The following UHRF2 variants were observed in gnomAD, a reference collection of about 807,000 sequenced individuals.
UHRF2 encodes the protein E3 ubiquitin-protein ligase UHRF2.
In UHRF2, 23 loss-of-function variants were observed where a neutral mutation model predicts 96.8. The ratio of observed to expected loss-of-function variants is 0.24; its 90% CI spans 0.17 to 0.34. The LOEUF (loss-of-function observed/expected upper bound fraction) is 0.34, where lower values mean the gene tolerates loss of function less well. Ranked by LOEUF, UHRF2 falls within the 10% of genes least tolerant of loss-of-function variation. The probability of loss-of-function intolerance (pLI) is 1.00; values close to 1 mark genes in which losing one functional copy is unlikely to be tolerated. For synonymous variants in UHRF2, 385 were observed against 332.6 expected (o/e 1.16, Z -1.72); for missense variants, 685 against 981.5 (o/e 0.70, Z 4.04).
At chr9:6,446,871 A>G (rs150439124) in intron 3 of UHRF2, among the ~76,000 whole-genome samples, 2 of 151,202 alleles carry the variant, frequency 1.3e-5, no homozygotes, top group East Asian at 2.0e-4. Flanking sequence ...AACAAATAAT[A>G]CTTATAAGTT....
At chr9:6,493,953 T>C (rs926883699) in intron 10 of UHRF2, 21 bp downstream of exon 10, 3 of 1,596,874 alleles carry the variant, frequency 1.9e-6, no homozygotes, top group East Asian at 2.2e-5. Context: ...AGACACTGTT[T>C]AGAATTTGAA....
intron 4 of UHRF2, among the ~76,000 whole-genome samples, chr9:6,463,327 C>T (rs1428357071): frequency 2.0e-5 from 3 of 151,786 alleles, no homozygotes; most frequent in Non-Finnish European, 4.4e-5. Context: ...TAGGCAAATA[C>T]CGGCTTGATA....
intron 9 of UHRF2, 35 bp downstream of exon 9, chr9:6,486,960 G>T: frequency 6.3e-7 from 1 of 1,592,028 alleles, no homozygotes; most frequent in Non-Finnish European, 8.6e-7. Flanking sequence ...ATTAGTACCT[G>T]CCTTGACCAT....
chr9:6,436,190 A>G (rs963120184), intron 3 of UHRF2, among the ~76,000 whole-genome samples: 1 of 152,222 alleles, frequency 6.6e-6, no homozygotes, highest in Non-Finnish European at 1.5e-5. Context: ...ACAGTATAAC[A>G]ACACTTCAGT....
Position 6,413,553 on chromosome 9 carries a change from C to G in UHRF2, c.63C>G (p.Arg21=). Residue 21 remains arginine, a synonymous_variant, in exon 1 of 16, where the codon CGC becomes CGG. Transcript: ENST00000276893. ...SKTCTIEDVS[R]KATIEELRER... ...CGTGCACCATTGAGGACGTGTCTCG[C>G]AAAGCCACGATTGAGGAGCTGCGCG... The G allele has an allele frequency of 1.9e-6, 3 of 1,598,402 alleles. No homozygotes were observed. Among genetic ancestry groups the G allele is most frequent in the Non-Finnish European group, 1.7e-6 (2 of 1,173,274 alleles).
In UHRF2 at chr9:6,504,711, C is replaced by G. The variant is rs1816492316; in HGVS notation, c.2262+20C>G. The G allele has an allele frequency of 8.8e-6, 14 of 1,584,868 alleles. No homozygotes were observed. Among genetic ancestry groups the G allele is most frequent in the Non-Finnish European group, 1.1e-5 (13 of 1,155,554 alleles). ...TGTAAAGTAAGTAGAATTCCTTCCT[C>G]ACTTTCCCTGTTAGGTATGAAGGCA... On this transcript the variant is annotated intron_variant, in intron 15 of 15. Transcript: ENST00000276893.
intron 8 of UHRF2, among the ~76,000 whole-genome samples, chr9:6,482,754 G>A (rs1053550131): frequency 6.6e-6 from 1 of 151,954 alleles, no homozygotes; most frequent in Non-Finnish European, 1.5e-5. Flanking sequence ...CTGCCACCAC[G>A]CCTGGCTAAT....
intron 8 of UHRF2, among the ~76,000 whole-genome samples, chr9:6,484,914 C>T (rs1371025626): frequency 6.6e-6 from 1 of 151,346 alleles, no homozygotes; most frequent in Non-Finnish European, 1.5e-5. Context: ...CTGCCTCAGC[C>T]TCCCAAGTAG....
At position 6,498,300 on chromosome 9, in the gene UHRF2, A is replaced by G. The variant is rs958449513; in HGVS notation, c.1908+142A>G. 15 of 902,614 alleles carry G rather than the reference A, an allele frequency of 1.7e-5. No homozygotes were observed. In the African/African-American group the frequency reaches 2.4e-4, roughly 15 times the overall value. The allele number at this position is 902,614 out of a possible 1,614,324, so 55.9% of individuals were successfully genotyped here. A position where few individuals can be genotyped will look rare whatever the true frequency, so the allele number is the denominator to read the frequency against. ...GAGGAATAAGATCATGCAAATAGAC[A>G]GAGGAAAAGAAGAGAAAAGGTAGTA... On this transcript the variant is annotated intron_variant, in intron 12 of 15. Coordinates refer to ENST00000276893, the MANE Select transcript of UHRF2 (RefSeq NM_152896.3).
rs532133894 is a variant in UHRF2, at chr9:6,428,014, A to G, written c.385-5900A>G. On this transcript the variant is annotated intron_variant, in intron 2 of 15. Coordinates refer to ENST00000276893, the MANE Select transcript of UHRF2 (RefSeq NM_152896.3). Reference sequence around the variant, plus strand: ...CTTTTTATGATGCCAGAAAGATCGTACTTTCAAGTGGCTGTCATCCTGGAC... The same window carrying G: ...CTTTTTATGATGCCAGAAAGATCGTGCTTTCAAGTGGCTGTCATCCTGGAC... 2.0e-5 allele frequency among the ~76,000 whole-genome samples: 3 copies of G among 152,196 alleles called. 1 individual carries two copies. Among genetic ancestry groups the G allele is most frequent in the South Asian group, 4.1e-4 (2 of 4,832 alleles).
intron 2 of UHRF2, among the ~76,000 whole-genome samples, chr9:6,431,239 C>G (rs1012893238): frequency 7.2e-5 from 11 of 152,136 alleles, no homozygotes; most frequent in African/African-American, 2.7e-4. Context: ...CTGTCCCCAC[C>G]CAGTTTATGT....
chr9:6,431,579 T>A (rs1820564792), intron 2 of UHRF2, among the ~76,000 whole-genome samples: 1 of 151,942 alleles, frequency 6.6e-6, no homozygotes, highest in South Asian at 2.1e-4. Context: ...ATAGCCTGTC[T>A]TAAAAAAAAA....
chr9:6,475,524 T>C (rs374125089), intron 5 of UHRF2, 24 bp downstream of exon 5: 5 of 1,452,698 alleles, frequency 3.4e-6, no homozygotes, highest in Non-Finnish European at 4.7e-6. Flanking sequence ...TTTTTGGTCT[T>C]AGACTACATG....
rs541585911 is a variant in UHRF2, at chr9:6,425,509, C to G, written c.384+4367C>G. Among the ~76,000 whole-genome samples, 36 of 151,890 alleles carry G rather than the reference C, an allele frequency of 2.4e-4. No homozygotes were observed. The South Asian group carries it at 6.2e-3, about 26-fold the overall frequency. On this transcript the variant is annotated intron_variant, in intron 2 of 15. Transcript: ENST00000276893. ...GTGGCTCATGCCTGTAATCCCAGCA[C>G]TTTGGGAGGCTGAGGAGGGTGGATC...
intron 3 of UHRF2, among the ~76,000 whole-genome samples, chr9:6,450,226 T>TTTAAAAA (rs1182035395): frequency 3.9e-5 from 6 of 152,036 alleles, no homozygotes; most frequent in Non-Finnish European, 8.8e-5. Flanking sequence ...TGTACTTAGG[T>TTTAAAAA]TGTTCAAATA....
intron 10 of UHRF2, chr9:6,495,115 A>C (rs937306694): frequency 2.0e-5 from 3 of 152,196 alleles, no homozygotes; most frequent in Admixed American, 6.6e-5. Flanking sequence ...AAATCTGAAA[A>C]TTATTTTTCC....
intron 12 of UHRF2, 123 bp from the exon 13 acceptor site, chr9:6,499,712 A>G: frequency 1.9e-6 from 1 of 526,360 alleles, no homozygotes; most frequent in East Asian, 3.3e-5. Context: ...CTTTTATGTA[A>G]AGTTTTTCAG....
chr9:6,450,566 T>A (rs1187124193), intron 3 of UHRF2, among the ~76,000 whole-genome samples: 1 of 152,198 alleles, frequency 6.6e-6, no homozygotes, highest in Non-Finnish European at 1.5e-5. Flanking sequence ...ATTCAGGTGT[T>A]GTCAGCCTGA....
chr9:6,432,201 G>A (rs1820595857), intron 2 of UHRF2, among the ~76,000 whole-genome samples: 1 of 151,982 alleles, frequency 6.6e-6, no homozygotes, highest in Non-Finnish European at 1.5e-5. Flanking sequence ...TTCCTAAACT[G>A]TTCATTCTTG....
Sources: gnomAD v4.1 joint callset for allele counts (sites outside exome capture counted in the v4.1 genomes callset) on GRCh38, gnomAD v4.1.1 for gene constraint, MANE v1.5 for transcripts, NCBI Gene and HGNC (gene_info 2026-07-23, HGNC 2026-07-21) for gene names.